WDR3: variants seen among roughly 807,000 people sequenced by gnomAD.
The protein encoded by WDR3 is WD repeat domain 3, also known as WD repeat-containing protein 3.
WDR3 carries 81 observed loss-of-function variants against 123.7 expected under a neutral mutation model. The observed-to-expected ratio is 0.65, with a 90% CI of 0.55 to 0.79. The LOEUF is 0.79. WDR3 is among the 30% of genes least tolerant of loss of function. The probability of loss-of-function intolerance (pLI) is 0.00; values close to 1 mark genes in which losing one functional copy is unlikely to be tolerated. For synonymous variants in WDR3, 390 were observed against 388.8 expected (o/e 1.00, Z -0.04); for missense variants, 1,027 against 1,123.2 (o/e 0.91, Z 1.22).
At chr1:117,954,886 C>CA (rs1651939484) in intron 23 of WDR3, among the ~76,000 whole-genome samples, 1 of 152,060 alleles carries the variant, frequency 6.6e-6, no homozygotes, top group Admixed American at 6.6e-5. Flanking sequence ...GTTCAGTGTC[C>CA]AAAGCCCTCT....
chr1:117,954,534 TAA>T (rs1317690417), intron 22 of WDR3, 44 bp from the exon 23 acceptor site: 2 of 1,584,896 alleles, frequency 1.3e-6, no homozygotes, highest in East Asian at 4.5e-5. Flanking sequence ...AAGTGCTACC[TAA>T]GTCTCAGTTT....
intron 11 of WDR3, among the ~76,000 whole-genome samples, chr1:117,945,239 A>G (rs1434133329): frequency 6.6e-6 from 1 of 152,204 alleles, no homozygotes; most frequent in Admixed American, 6.5e-5. Flanking sequence ...AGTGGAAGTT[A>G]GATCACTTCC....
chr1:117,964,929 T>C lies in WDR3; in HGVS notation c.*5482T>C, dbSNP rs1653626874. 6.6e-6 allele frequency: 1 copy of C among 152,218 alleles called. No homozygotes were observed. 9.4% of individuals were successfully genotyped at this position (152,218 alleles called of 1,614,324 possible). On this transcript the variant is annotated 3_prime_UTR_variant, in exon 27 of 27. Transcript: ENST00000349139. ...TTATTCTTTTGCCCTGTTTTGGATA[T>C]TGCAGTTTCAATCACTTCTACTCAT...
intron 12 of WDR3, among the ~76,000 whole-genome samples, chr1:117,946,585 T>C (rs901503400): frequency 2.0e-5 from 3 of 152,142 alleles, no homozygotes; most frequent in Admixed American, 2.0e-4. Flanking sequence ...GCTAGTCAGA[T>C]TGGGAGACAA....
chr1:117,950,167 G>T, intron 15 of WDR3, 37 bp downstream of exon 15: 1 of 1,609,198 alleles, frequency 6.2e-7, no homozygotes, highest in South Asian at 1.1e-5. Context: ...TTCCCTTTCT[G>T]ACTGACTGAC....
rs376786431 is a variant in WDR3, at chr1:117,938,708, G to A, written c.579+150G>A. ...GAGGGACAGTGAGGCTGGTATGATG[G>A]AAGCAATGCCAGCCATTGGAGCAGA... is the stretch of plus-strand genomic sequence containing the variant. On this transcript the variant is annotated intron_variant, in intron 5 of 26. Coordinates refer to ENST00000349139, the MANE Select transcript of WDR3 (RefSeq NM_006784.3). 1.4e-5 allele frequency: 9 copies of A among 639,748 alleles called. No homozygotes were observed. In the East Asian group the frequency reaches 2.8e-4, roughly 20 times the overall value. The allele number at this position is 639,748 out of a possible 1,614,324, so 39.6% of individuals were successfully genotyped here.
At chr1:117,942,135 A>G (rs1304936676) in intron 9 of WDR3, among the ~76,000 whole-genome samples, 3 of 152,218 alleles carry the variant, frequency 2.0e-5, no homozygotes, top group Admixed American at 2.0e-4. Flanking sequence ...ATAACCGGAG[A>G]CATTTCAGTG....
At chr1:117,957,341 C>A in intron 25 of WDR3, 145 bp downstream of exon 25, 1 of 1,058,186 alleles carries the variant, frequency 9.5e-7, no homozygotes. Flanking sequence ...CTTTGGGAGG[C>A]TGAGGTGGGT....
At position 117,965,039 on chromosome 1, in the gene WDR3, A is replaced by T. The variant is rs550458923; in HGVS notation, c.*5592A>T. ...ACATTAAACTGAAAATCCTTCCTAT[A>T]TTCTGTTGCATCCTTGAGTAACATA... On this transcript the variant is annotated 3_prime_UTR_variant, in exon 27 of 27. Transcript: ENST00000349139. 2.6e-5 allele frequency: 4 copies of T among 152,164 alleles called. No homozygotes were observed. The highest frequency in any genetic ancestry group is 5.9e-5 in the Non-Finnish European group (4 of 68,024). The allele number at this position is 152,164 out of a possible 1,614,324, so 9.4% of individuals were successfully genotyped here. A position where few individuals can be genotyped will look rare whatever the true frequency, so the allele number is the denominator to read the frequency against.
chr1:117,934,565 G>T lies in WDR3; in HGVS notation c.264G>T (p.Ser88=). 1 of 1,614,096 alleles carries T rather than the reference G, an allele frequency of 6.2e-7. No homozygotes were observed. The highest frequency in any genetic ancestry group is 8.5e-7 in the Non-Finnish European group (1 of 1,180,008). The change falls in exon 3 of 27, where the codon TCG becomes TCT. Residue 88 remains serine (S), a synonymous_variant. Coordinates refer to ENST00000349139, the MANE Select transcript of WDR3 (RefSeq NM_006784.3). ...LHLAVGYEDG[S]IRIFSLLSGE... ...TAGCTGTTGGGTATGAGGATGGGTC[G>T]ATCCGAATCTTCAGTCTCCTGAGTG...
chr1:117,957,769 G>T (rs1652434124), intron 25 of WDR3, among the ~76,000 whole-genome samples: 1 of 152,140 alleles, frequency 6.6e-6, no homozygotes, highest in South Asian at 2.1e-4. Flanking sequence ...TTCCAGTGTG[G>T]CCCAGGGGAG....
intron 6 of WDR3, among the ~76,000 whole-genome samples, chr1:117,940,136 A>T (rs1651091342): frequency 6.6e-6 from 1 of 152,172 alleles, no homozygotes; most frequent in Non-Finnish European, 1.5e-5. Context: ...TCCTAATGCC[A>T]ATTTGAATTT....
chr1:117,941,868 C>G (rs76763683), intron 9 of WDR3, 21 bp downstream of exon 9: 5 of 1,589,978 alleles, frequency 3.1e-6, no homozygotes, highest in Non-Finnish European at 4.3e-6. Context: ...TTAATACTTA[C>G]ATTAATAATG....
intron 21 of WDR3, 27 bp downstream of exon 21, chr1:117,953,568 CG>C (rs1557824484): frequency 6.3e-7 from 1 of 1,599,906 alleles, no homozygotes; most frequent in South Asian, 1.1e-5. Flanking sequence ...TGTGGTATCT[CG>C]TTTTTTAATA....
intron 3 of WDR3, among the ~76,000 whole-genome samples, chr1:117,936,299 G>A (rs10802002): frequency 0.45 from 68,863 of 151,718 alleles, 15,883 homozygotes; most frequent in South Asian, 0.63. Flanking sequence ...GATACATACA[G>A]AAATTTGTAT....
In WDR3 at chr1:117,950,122, A is replaced by T; in HGVS notation, c.1738A>T (p.Thr580Ser). ...TACTGTGAAAATTTTCTACGTTGAT[A>T]CTTTAAAGGTACAGTGGTTATGCCT... Reference protein sequence around the residue: ...DCTVKIFYVDTLKFFLSLYGH... With the variant: ...DCTVKIFYVDSLKFFLSLYGH... The change falls in exon 15 of 27, where the codon ACT becomes TCT. Residue 580 changes from threonine (T) to serine (S), a missense_variant. Transcript: ENST00000349139. 1 of 1,613,758 alleles carries T rather than the reference A, an allele frequency of 6.2e-7. No homozygotes were observed. Among genetic ancestry groups the T allele is most frequent in the South Asian group, 1.1e-5 (1 of 91,032 alleles).
Position 117,934,572 on chromosome 1 carries a change from A to T in WDR3, c.271A>T (p.Ile91Phe), listed in dbSNP as rs746073566. Residue 91 changes from isoleucine to phenylalanine, a missense_variant, in exon 3 of 27, where the codon ATC becomes TTC. Transcript: ENST00000349139. ...AVGYEDGSIR[I>F]FSLLSGEGNV... ...TGGGTATGAGGATGGGTCGATCCGA[A>T]TCTTCAGTCTCCTGAGTGGGGAAGG... The T allele has an allele frequency of 7.4e-6, 12 of 1,614,060 alleles. No homozygotes were observed. Among genetic ancestry groups the T allele is most frequent in the Admixed American group, 3.3e-5 (2 of 60,006 alleles).
At position 117,942,548 on chromosome 1, in the gene WDR3, A is replaced by G; in HGVS notation, c.1097+4A>G. On this transcript the variant is annotated splice_donor_region_variant and intron_variant, in intron 10 of 26. Coordinates refer to ENST00000349139, the MANE Select transcript of WDR3 (RefSeq NM_006784.3). ...TAAAAACTTCTGCCAAAATCAAGTG[A>G]GTAAAAATAAATTATCTGAAGTTAT... 1 of 1,609,542 alleles carries G rather than the reference A, an allele frequency of 6.2e-7. No individual in the cohort carries two copies. The highest frequency in any genetic ancestry group is 1.1e-5 in the South Asian group (1 of 90,772).
At chr1:117,950,454 C>G (rs758686817) in intron 15 of WDR3, among the ~76,000 whole-genome samples, 1 of 152,114 alleles carries the variant, frequency 6.6e-6, no homozygotes, top group Non-Finnish European at 1.5e-5. Flanking sequence ...ATATTAGGAT[C>G]ATCTAGGTTG....
Sources: gnomAD v4.1 joint callset for allele counts (sites outside exome capture counted in the v4.1 genomes callset) on GRCh38, gnomAD v4.1.1 for gene constraint, MANE v1.5 for transcripts, NCBI Gene and HGNC (gene_info 2026-07-23, HGNC 2026-07-21) for gene names.